RBM6: variants seen among roughly 807,000 people sequenced by gnomAD.
RBM6 encodes RNA-binding protein 6.
In RBM6, 23 loss-of-function variants were observed where a neutral mutation model predicts 140.4. That is an observed-to-expected ratio of 0.16 (90% CI 0.12 to 0.23). The LOEUF is 0.23. RBM6 is among the 10% of genes least tolerant of loss of function. RBM6 has a pLI of 1.00. For missense variants in RBM6, 1,139 were observed against 1,386.7 expected (o/e 0.82, Z 2.84); for synonymous variants, 439 against 475.6 (o/e 0.92, Z 1.00).
intron 6 of RBM6, among the ~76,000 whole-genome samples, chr3:50,044,131 G>A (rs2089094285): frequency 6.6e-6 from 1 of 151,882 alleles, no homozygotes; most frequent in South Asian, 2.1e-4. Flanking sequence ...ACCCGCCTCG[G>A]CCTCCCAAAG....
rs1158918914 is a variant in RBM6, at chr3:50,058,410, C to T, written c.1978C>T (p.Leu660=). 2 of 1,609,820 alleles carry T rather than the reference C, an allele frequency of 1.2e-6. No individual in the cohort carries two copies. Among genetic ancestry groups the T allele is most frequent in the South Asian group, 2.2e-5 (2 of 91,000 alleles). The change falls in exon 10 of 21, where the codon CTA becomes TTA. Residue 660 remains leucine (L), a synonymous_variant. Transcript: ENST00000266022. ...RQDGESKTIM[L]KRIYRSTPPE... ...ATTTATGGTTGATTCAGCTATCATG[C>T]TAAAGCGTATCTATCGTTCCACACC...
At chr3:49,993,634 T>C (rs1016501358) in intron 5 of RBM6, among the ~76,000 whole-genome samples, 1 of 151,564 alleles carries the variant, frequency 6.6e-6, no homozygotes, top group Non-Finnish European at 1.5e-5. Flanking sequence ...AGAGTGAGAC[T>C]CTGTCTCAAA....
intron 1 of RBM6, among the ~76,000 whole-genome samples, chr3:49,955,272 G>C (rs145351666): frequency 3.7e-5 from 5 of 135,616 alleles, no homozygotes; most frequent in Admixed American, 8.6e-5. Context: ...ATCAAGCCTC[G>C]GGATCCTCCT....
intron 1 of RBM6, among the ~76,000 whole-genome samples, chr3:49,958,484 G>A (rs908965950): frequency 2.0e-5 from 3 of 152,152 alleles, no homozygotes; most frequent in African/African-American, 7.2e-5. Flanking sequence ...GCTGAGGCAG[G>A]AGAATGGCGT....
rs563822435 is a variant in RBM6 at position 50,043,539 on chromosome 3, TAC to T, written c.1558-4704_1558-4703del. Among the ~76,000 whole-genome samples, 391 of 150,440 alleles carry T rather than the reference TAC, an allele frequency of 2.6e-3. 1 individual carries two copies. Among genetic ancestry groups the T allele is most frequent in the African/African-American group, 9.0e-3 (371 of 41,008 alleles). ...TCTTCTTTTTATATACATATACATA[TAC>T]ATACATACATACATATATGTATGTA... On this transcript the variant is annotated intron_variant, in intron 6 of 20. Coordinates refer to ENST00000266022, the MANE Select transcript of RBM6 (RefSeq NM_005777.3).
intron 5 of RBM6, among the ~76,000 whole-genome samples, chr3:49,979,975 T>C (rs989856690): frequency 6.6e-6 from 1 of 152,098 alleles, no homozygotes; most frequent in Non-Finnish European, 1.5e-5. Context: ...TGATAACTAC[T>C]GTGGTTATGT....
Position 49,968,605 on chromosome 3 carries a change from C to G in RBM6, c.1180C>G (p.Leu394Val). 6.2e-7 allele frequency: 1 copy of G among 1,614,116 alleles called. No individual in the cohort carries two copies. Among genetic ancestry groups the G allele is most frequent in the Non-Finnish European group, 8.5e-7 (1 of 1,180,028 alleles). ...TAAAGAAGAAGGCGGTCTGGACTTT[C>G]TTGGGCGGCAAGACACCGATTACAG... ...LFKEEGGLDF[L>V]GRQDTDYRSM... Residue 394 changes from leucine to valine, a missense_variant, in exon 3 of 21, where the codon CTT becomes GTT. Leu to Val is a conservative substitution (Grantham distance 32, BLOSUM62 1). This residue lies in a region of RBM6 where 566 missense variants were observed against 612.7 expected (regional missense o/e 0.92). Transcript: ENST00000266022.
intron 5 of RBM6, among the ~76,000 whole-genome samples, chr3:49,988,942 A>G (rs2085688689): frequency 7.2e-6 from 1 of 138,484 alleles, no homozygotes; most frequent in African/African-American, 2.6e-5. Context: ...GTGAGACTCC[A>G]TCTCAAAAAA....
At chr3:49,959,730 C>T (rs2084196420) in intron 1 of RBM6, among the ~76,000 whole-genome samples, 1 of 151,504 alleles carries the variant, frequency 6.6e-6, no homozygotes, top group African/African-American at 2.4e-5. Context: ...GCCACTACGC[C>T]TGGCTAATTT....
At chr3:49,959,649 C>T (rs199911303) in intron 1 of RBM6, among the ~76,000 whole-genome samples, 2 of 147,942 alleles carry the variant, frequency 1.4e-5, no homozygotes, top group Non-Finnish European at 3.0e-5. Flanking sequence ...CGGCTCACTG[C>T]AACCTCCGCC....
At chr3:49,975,140 A>G (rs1204149562) in intron 4 of RBM6, among the ~76,000 whole-genome samples, 183 bp from the exon 5 acceptor site, 1 of 152,012 alleles carries the variant, frequency 6.6e-6, no homozygotes, top group Non-Finnish European at 1.5e-5. Context: ...CATCCCACCA[A>G]TTTTTGAATA....
At chr3:49,966,133 A>C (rs1235066202) in intron 2 of RBM6, among the ~76,000 whole-genome samples, 1 of 152,154 alleles carries the variant, frequency 6.6e-6, no homozygotes, top group Non-Finnish European at 1.5e-5. Context: ...CTCAAAAAAA[A>C]AGAAAAAGAG....
intron 6 of RBM6, among the ~76,000 whole-genome samples, chr3:50,021,476 C>T (rs1180509250): frequency 1.3e-5 from 2 of 152,020 alleles, no homozygotes; most frequent in African/African-American, 4.8e-5. Context: ...CCCGTCTCTA[C>T]TAAAAATACA....
chr3:49,944,474 C>CTTTT (rs34463596), intron 1 of RBM6, among the ~76,000 whole-genome samples: 7 of 132,292 alleles, frequency 5.3e-5, no homozygotes, highest in African/African-American at 1.4e-4. Context: ...GTACAAATAT[C>CTTTT]TTTTTTTTTT....
intron 1 of RBM6, chr3:49,940,881 T>C (rs1410845586): frequency 6.8e-6 from 1 of 146,822 alleles, no homozygotes; most frequent in Non-Finnish European, 1.5e-5. Context: ...GGTTCAACTT[T>C]GGGAATGCCT....
chr3:50,044,035 C>T (rs994998832), intron 6 of RBM6, among the ~76,000 whole-genome samples: 14 of 151,966 alleles, frequency 9.2e-5, no homozygotes, highest in African/African-American at 2.7e-4. Flanking sequence ...TGTATATCAC[C>T]GCAACCAGCT....
At chr3:49,956,688 G>A (rs1406559647) in intron 1 of RBM6, among the ~76,000 whole-genome samples, 1 of 148,212 alleles carries the variant, frequency 6.7e-6, no homozygotes, top group Non-Finnish European at 1.5e-5. Context: ...TTTTTGAGAC[G>A]GAGTTTCGTT....
At chr3:49,962,081 G>A (rs1008203819) in intron 1 of RBM6, among the ~76,000 whole-genome samples, 5 of 150,796 alleles carry the variant, frequency 3.3e-5, no homozygotes, top group African/African-American at 1.2e-4. Flanking sequence ...GCTTGAACCC[G>A]GAGGTTGCAG....
intron 5 of RBM6, among the ~76,000 whole-genome samples, chr3:49,995,351 T>G (rs1008671315): frequency 1.3e-5 from 2 of 151,906 alleles, no homozygotes; most frequent in Non-Finnish European, 2.9e-5. Context: ...AGCTCAGGAG[T>G]TCGAGACCAG....
Sources: allele counts gnomAD v4.1 joint callset (sites outside exome capture counted in the v4.1 genomes callset), GRCh38; gene constraint gnomAD v4.1.1; regional missense constraint gnomAD v4.1.1; transcripts MANE v1.5; gene names NCBI Gene and HGNC (gene_info 2026-07-23, HGNC 2026-07-21).